ZNF385B: variants seen among roughly 807,000 people sequenced by gnomAD.
ZNF385B encodes the protein zinc finger protein 385B, also known as zinc finger protein 533.
Under a neutral mutation model 39.2 loss-of-function variants are expected in ZNF385B, and 23 were observed. The ratio of observed to expected loss-of-function variants is 0.59; its 90% CI spans 0.42 to 0.83. The LOEUF (loss-of-function observed/expected upper bound fraction) is 0.83. Among genes scored for constraint, ZNF385B ranks in the 40% least tolerant of loss-of-function variants. The pLI is 0.00. For synonymous variants in ZNF385B, 205 were observed against 222.6 expected (o/e 0.92, Z 0.70); for missense variants, 552 against 598.9 (o/e 0.92, Z 0.82).
intron 5 of ZNF385B, among the ~76,000 whole-genome samples, chr2:179,505,810 CA>C (rs1188424905): frequency 1.3e-5 from 2 of 151,986 alleles, no homozygotes; most frequent in African/African-American, 4.8e-5. Context: ...ATAGGGTTTG[CA>C]TTTGTTTAAA....
At chr2:179,711,463 T>C (rs1296837212) in intron 3 of ZNF385B, among the ~76,000 whole-genome samples, 5 of 152,040 alleles carry the variant, frequency 3.3e-5, no homozygotes, top group African/African-American at 1.2e-4. Flanking sequence ...CATTCGAGGG[T>C]ATGCTGGGGT....
chr2:179,532,145 C>T (rs1304915912), intron 4 of ZNF385B, among the ~76,000 whole-genome samples: 1 of 152,158 alleles, frequency 6.6e-6, no homozygotes, highest in East Asian at 1.9e-4. Context: ...CACGTGACTG[C>T]AAGGAGGCTA....
chr2:179,534,808 G>A (rs983058253), intron 4 of ZNF385B: 16 of 152,162 alleles, frequency 1.1e-4, no homozygotes, highest in African/African-American at 3.9e-4. Context: ...AAAGTAAGTA[G>A]AGTTACTTTT....
intron 1 of ZNF385B, among the ~76,000 whole-genome samples, chr2:179,826,516 T>C (rs983426038): frequency 5.3e-5 from 8 of 152,170 alleles, no homozygotes; most frequent in African/African-American, 1.9e-4. Flanking sequence ...GGGCTATTGA[T>C]AGCCCTGCAG....
In ZNF385B at chr2:179,566,054, G is replaced by A. The variant is rs147609251; in HGVS notation, c.299-21085C>T. 1.7e-3 allele frequency among the ~76,000 whole-genome samples: 262 copies of A among 152,310 alleles called. 2 individuals are homozygous for A. Among genetic ancestry groups the A allele is most frequent in the Non-Finnish European group, 1.4e-3 (96 of 68,030 alleles). On this transcript the variant is annotated intron_variant, in intron 3 of 9. Coordinates refer to ENST00000410066, the MANE Select transcript of ZNF385B (RefSeq NM_152520.6). ...TGCCCAGAGAAGGCACTTAATGAAT[G>A]TGTTGAGTGAATGTAGGCGTAAGGG...
At chr2:179,821,908 T>C (rs1707420510) in intron 1 of ZNF385B, among the ~76,000 whole-genome samples, 1 of 152,158 alleles carries the variant, frequency 6.6e-6, no homozygotes, top group Admixed American at 6.5e-5. Flanking sequence ...TTCTATAGTG[T>C]CCAAAGAGAC....
At chr2:179,701,496 G>T (rs976245175) in intron 3 of ZNF385B, among the ~76,000 whole-genome samples, 6 of 152,084 alleles carry the variant, frequency 3.9e-5, no homozygotes, top group African/African-American at 1.4e-4. Context: ...ACAGTGTAAA[G>T]AAAGCAAAAA....
At chr2:179,688,520 A>AAC (rs1559091228) in intron 3 of ZNF385B, among the ~76,000 whole-genome samples, 2 of 111,438 alleles carry the variant, frequency 1.8e-5, no homozygotes, top group Admixed American at 8.9e-5. Context: ...ACAACAACAA[A>AAC]AACAGAAAGA....
chr2:179,616,494 G>A (rs970038134), intron 3 of ZNF385B, among the ~76,000 whole-genome samples: 9 of 151,216 alleles, frequency 6.0e-5, no homozygotes, highest in Non-Finnish European at 7.4e-5. Flanking sequence ...TCACCACGCC[G>A]GGCTAATTTT....
intron 1 of ZNF385B, among the ~76,000 whole-genome samples, chr2:179,783,278 T>C (rs1287045946): frequency 6.6e-6 from 1 of 152,198 alleles, no homozygotes; most frequent in East Asian, 1.9e-4. Flanking sequence ...TTGCTAGCCA[T>C]ATGTAGAAGA....
At chr2:179,716,387 A>G (rs992193571) in intron 3 of ZNF385B, among the ~76,000 whole-genome samples, 3 of 151,974 alleles carry the variant, frequency 2.0e-5, no homozygotes, top group Non-Finnish European at 4.4e-5. Context: ...TCCCTGACCT[A>G]TTTTCCATTT....
chr2:179,783,015 G>T (rs547078897), intron 1 of ZNF385B, among the ~76,000 whole-genome samples: 10 of 152,110 alleles, frequency 6.6e-5, no homozygotes, highest in African/African-American at 2.4e-4. Flanking sequence ...AAAATAGCCC[G>T]AATGGCCAAG....
At position 179,445,823 on chromosome 2, in the gene ZNF385B, A is replaced by G. The variant is rs184345880; in HGVS notation, c.962-95T>C. ...TTGAGAAGTTTACCTGCAGGCTAAA[A>G]TTCCCAATGCTTTTTTAAAAATGAT... is the stretch of plus-strand genomic sequence containing the variant. On this transcript the variant is annotated intron_variant, in intron 7 of 9. Coordinates refer to ENST00000410066, the MANE Select transcript of ZNF385B (RefSeq NM_152520.6). The G allele has an allele frequency of 1.0e-3, 1,195 of 1,187,780 alleles. 2 individuals carry two copies. The highest frequency in any genetic ancestry group is 1.1e-3 in the Non-Finnish European group (981 of 878,578). 73.6% of individuals were successfully genotyped at this position (1,187,780 alleles called of 1,614,324 possible). A position where few individuals can be genotyped will look rare whatever the true frequency, so the allele number is the denominator to read the frequency against.
At chr2:179,476,850 A>G (rs2053493708) in intron 6 of ZNF385B, among the ~76,000 whole-genome samples, 1 of 152,198 alleles carries the variant, frequency 6.6e-6, no homozygotes, top group African/African-American at 2.4e-5. Flanking sequence ...GTTCTACATG[A>G]CTATACCCCA....
intron 3 of ZNF385B, among the ~76,000 whole-genome samples, chr2:179,610,246 G>T (rs2106129794): frequency 6.6e-6 from 1 of 152,232 alleles, no homozygotes; most frequent in East Asian, 1.9e-4. Flanking sequence ...GCAAGAGATA[G>T]GGGTCTAGTT....
At chr2:179,805,804 G>A (rs1706313283) in intron 1 of ZNF385B, among the ~76,000 whole-genome samples, 1 of 152,154 alleles carries the variant, frequency 6.6e-6, no homozygotes, top group South Asian at 2.1e-4. Context: ...TAAAGACACA[G>A]TAACAAAGGC....
intron 3 of ZNF385B, among the ~76,000 whole-genome samples, chr2:179,663,347 T>C (rs1694715802): frequency 1.3e-5 from 2 of 152,282 alleles, no homozygotes; most frequent in African/African-American, 4.8e-5. Context: ...GGAAAAATGA[T>C]AACCATTCAC....
At chr2:179,843,858 A>G (rs949625249) in intron 1 of ZNF385B, among the ~76,000 whole-genome samples, 2 of 152,230 alleles carry the variant, frequency 1.3e-5, no homozygotes, top group African/African-American at 4.8e-5. Flanking sequence ...CCTGAATTTT[A>G]TCTACTTTGA....
At chr2:179,735,916 A>G (rs570566138) in intron 3 of ZNF385B, among the ~76,000 whole-genome samples, 22 of 149,156 alleles carry the variant, frequency 1.5e-4, no homozygotes, top group African/African-American at 4.4e-4. Context: ...TAGCATTGGG[A>G]GATATACCTA....
Sources: allele counts gnomAD v4.1 joint callset (sites outside exome capture counted in the v4.1 genomes callset), GRCh38; gene constraint gnomAD v4.1.1; transcripts MANE v1.5; gene names NCBI Gene and HGNC (gene_info 2026-07-23, HGNC 2026-07-21).